Variants in DGLUCY observed in about 807,000 individuals in gnomAD.
The protein encoded by DGLUCY is D-glutamate cyclase.
A neutral mutation model predicts 58.5 loss-of-function variants in DGLUCY; 58 were observed. That is an observed-to-expected ratio of 0.99 (90% CI 0.80 to 1.23). The LOEUF (loss-of-function observed/expected upper bound fraction) is 1.23, where lower values mean the gene tolerates loss of function less well. DGLUCY is among the 50% of genes most tolerant of loss of function. The pLI, the probability that DGLUCY is intolerant of heterozygous loss-of-function variation, is 0.00. For synonymous variants in DGLUCY, 325 were observed against 314.1 expected, an observed-to-expected ratio of 1.03 and a Z score of -0.37; for missense variants, 779 against 784.7, an observed-to-expected ratio of 0.99 and a Z score of 0.09.
intron 3 of DGLUCY, among the ~76,000 whole-genome samples, chr14:91,161,067 T>A (rs956079849): frequency 1.3e-5 from 2 of 152,220 alleles, no homozygotes; most frequent in African/African-American, 4.8e-5. Context: ...AACAAGGCAC[T>A]CTTTTTTGTT....
upstream of DGLUCY, among the ~76,000 whole-genome samples, chr14:91,105,690 T>C (rs1037158713): frequency 2.6e-5 from 4 of 152,228 alleles, no homozygotes; most frequent in African/African-American, 9.6e-5. Context: ...GTCCTCAAAC[T>C]TTTGAATTCC....
intron 1 of DGLUCY, among the ~76,000 whole-genome samples, chr14:91,095,724 G>A (rs1466600774): frequency 6.6e-6 from 1 of 152,142 alleles, no homozygotes; most frequent in Non-Finnish European, 1.5e-5. Context: ...AATGGGGGGA[G>A]AAAAATGGCA....
chr14:91,178,351 A>G (rs928538309), intron 7 of DGLUCY, among the ~76,000 whole-genome samples: 1 of 151,970 alleles, frequency 6.6e-6, no homozygotes, highest in Non-Finnish European at 1.5e-5. Context: ...TTTTGTGGAG[A>G]TGGGGTCTCA....
Position 91,191,906 on chromosome 14 carries a change from C to T in DGLUCY, c.1195+2736C>T, listed in dbSNP as rs568196473. Among the ~76,000 whole-genome samples, 281 of 152,182 alleles carry T rather than the reference C, an allele frequency of 1.8e-3. 2 individuals carry two copies. The highest frequency in any genetic ancestry group is 9.7e-3 in the South Asian group (47 of 4,822). ...ATCAAGAGTCCAGGTTTGACATTTG[C>T]GCCCTGATGGAAGGATTGTAAAATG... is the stretch of plus-strand genomic sequence containing the variant. On this transcript the variant is annotated intron_variant, in intron 9 of 13. Coordinates refer to ENST00000256324, the MANE Select transcript of DGLUCY (RefSeq NM_001102368.3).
At chr14:91,120,120 A>G (rs2045259194) in intron 1 of DGLUCY, among the ~76,000 whole-genome samples, 1 of 152,190 alleles carries the variant, frequency 6.6e-6, no homozygotes, top group South Asian at 2.1e-4. Context: ...ACTCCTCGTC[A>G]TGTTAGTCCT....
At chr14:91,179,228 G>T (rs184721134) in intron 7 of DGLUCY, among the ~76,000 whole-genome samples, 31 of 152,294 alleles carry the variant, frequency 2.0e-4, no homozygotes, top group Non-Finnish European at 4.4e-4. Context: ...GGCAGAAGAG[G>T]TAAATAGTAT....
chr14:91,068,756 C>T (rs1007826586), intron 1 of DGLUCY, among the ~76,000 whole-genome samples: 2 of 152,160 alleles, frequency 1.3e-5, no homozygotes, highest in African/African-American at 4.8e-5. Flanking sequence ...AAAAAGAAAG[C>T]AAAGCAAAAA....
At chr14:91,216,749 G>A (rs1341417322) in intron 13 of DGLUCY, among the ~76,000 whole-genome samples, 2 of 152,088 alleles carry the variant, frequency 1.3e-5, no homozygotes, top group East Asian at 3.8e-4. Flanking sequence ...GGCAGCAGCA[G>A]GTAACTTTTG....
At position 91,060,413 on chromosome 14, in the gene DGLUCY, T is replaced by C. The variant is rs372919173; in HGVS notation, c.-373T>C. ...GCGCTGGTCCCCGCGGCGCCGCCGC[T>C]GCTGCCACCCTCCTCCTCCATCTTC... is the stretch of plus-strand genomic sequence containing the variant. On this transcript the variant is annotated 5_prime_UTR_variant, in exon 1 of 5. Coordinates refer to the DGLUCY transcript ENST00000521334. 1.0e-4 allele frequency: 158 copies of C among 1,505,238 alleles called. No individual in the cohort carries two copies. In the East Asian group the frequency reaches 1.8e-3, roughly 17 times the overall value. 93.2% of individuals were successfully genotyped at this position (1,505,238 alleles called of 1,614,324 possible).
intron 11 of DGLUCY, among the ~76,000 whole-genome samples, chr14:91,200,729 C>T (rs1210450572): frequency 6.6e-6 from 1 of 152,068 alleles, no homozygotes; most frequent in Admixed American, 6.6e-5. Context: ...GGGTGTGCTA[C>T]CATGCTTGGG....
At chr14:91,160,439 A>G in intron 3 of DGLUCY, 42 bp downstream of exon 3, 4 of 1,326,824 alleles carry the variant, frequency 3.0e-6, no homozygotes, top group Admixed American at 2.3e-5. Context: ...AAAAAAAAAA[A>G]AAGAAAGTTC....
rs1397343827 is a variant in DGLUCY, at chr14:91,062,583, ATATATATATATATATATATATATATAT to A, written c.-82+1880_-82+1906del. Among the ~76,000 whole-genome samples the A allele has an allele frequency of 1.3e-3, 29 of 21,940 alleles. 3 individuals are homozygous for A. Among genetic ancestry groups the A allele is most frequent in the Non-Finnish European group, 2.5e-3 (22 of 8,638 alleles). The allele number at this position is 21,940 out of a possible 152,430, so 14.4% of individuals were successfully genotyped here. On this transcript the variant is annotated intron_variant, in intron 1 of 4. Coordinates refer to the DGLUCY transcript ENST00000521334. The stretch of plus-strand genomic sequence containing the variant: ...AATATATATATATATATATATATAT[ATATATATATATATATATATATATATAT>A]AAACAATCCTTAGCTCAAGGGCAGT...
At position 91,156,382 on chromosome 14, in the gene DGLUCY, G is replaced by A. The variant is rs562599425; in HGVS notation, c.-81-1257G>A. 1.1e-4 allele frequency among the ~76,000 whole-genome samples: 17 copies of A among 152,222 alleles called. No individual in the cohort carries two copies. The South Asian group carries it at 1.2e-3, about 11-fold the overall frequency. On this transcript the variant is annotated intron_variant, in intron 1 of 13. Coordinates refer to ENST00000256324, the MANE Select transcript of DGLUCY (RefSeq NM_001102368.3). ...TCCCACCTTGGCCTCCCGAAGTGCC[G>A]GGATTACAGCCATGAGCCACTGTGC...
At chr14:91,144,599 G>T (rs1158439873) in intron 1 of DGLUCY, among the ~76,000 whole-genome samples, 1 of 152,140 alleles carries the variant, frequency 6.6e-6, no homozygotes, top group Non-Finnish European at 1.5e-5. Context: ...GATTGGACCA[G>T]CTTAGATCTC....
At chr14:91,163,509 G>A (rs763643364) in intron 3 of DGLUCY, among the ~76,000 whole-genome samples, 34 of 152,300 alleles carry the variant, frequency 2.2e-4, no homozygotes, top group Middle Eastern at 6.8e-3. Context: ...TGTAGCGACT[G>A]TGATAATGAG....
intron 1 of DGLUCY, among the ~76,000 whole-genome samples, chr14:91,072,520 T>G (rs2043939472): frequency 6.6e-6 from 1 of 152,172 alleles, no homozygotes; most frequent in African/African-American, 2.4e-5. Flanking sequence ...AAATTAAACT[T>G]AATTTTACTT....
Position 91,060,437 on chromosome 14 carries a change from TCTC to T in DGLUCY, c.-346_-344del, listed in dbSNP as rs1447483888. ...CTGCTGCCACCCTCCTCCTCCATCT[TCTC>T]CTTTTTTTCCGATCCCGCGGGTCGC... On this transcript the variant is annotated 5_prime_UTR_variant, in exon 1 of 5. Transcript: ENST00000521334. 8 of 1,468,958 alleles carry T rather than the reference TCTC, an allele frequency of 5.4e-6. No individual in the cohort carries two copies. In the African/African-American group the frequency reaches 7.3e-5, roughly 13 times the overall value. The allele number at this position is 1,468,958 out of a possible 1,614,324, so 91.0% of individuals were successfully genotyped here. A position where few individuals can be genotyped will look rare whatever the true frequency, so the allele number is the denominator to read the frequency against.
At chr14:91,111,196 A>ATGTG (rs1469533552), upstream of DGLUCY, among the ~76,000 whole-genome samples, 6 of 5,090 alleles carry the variant, frequency 1.2e-3, no homozygotes, top group Non-Finnish European at 6.3e-3. Context: ...CTTTTTATTT[A>ATGTG]TATATATGTG....
chr14:91,061,403 A>G (rs950806294), intron 1 of DGLUCY, among the ~76,000 whole-genome samples: 5 of 152,256 alleles, frequency 3.3e-5, no homozygotes, highest in African/African-American at 4.8e-5. Flanking sequence ...AGAGATTAAC[A>G]AAATAGAATA....
Sources: gnomAD v4.1 joint callset for allele counts (sites outside exome capture counted in the v4.1 genomes callset) on GRCh38, gnomAD v4.1.1 for gene constraint, MANE v1.5 for transcripts, NCBI Gene and HGNC (gene_info 2026-07-23, HGNC 2026-07-21) for gene names.